The following ASB7 variants were observed in gnomAD, a reference collection of about 807,000 sequenced individuals.
ASB7 encodes the protein ankyrin repeat and SOCS box protein 7.
In ASB7, 4 loss-of-function variants were observed where a neutral mutation model predicts 32.5. The observed-to-expected ratio is 0.12, with a 90% CI of 0.06 to 0.28. The LOEUF (loss-of-function observed/expected upper bound fraction) is 0.28. Ranked by LOEUF, ASB7 falls within the 10% of genes least tolerant of loss-of-function variation. The pLI is 1.00. For missense variants in ASB7, 181 were observed against 407.1 expected (o/e 0.44, Z 4.78); for synonymous variants, 172 against 155.6 (o/e 1.11, Z -0.78).
chr15:100,626,032 A>G (rs2039833860), intron 4 of ASB7, among the ~76,000 whole-genome samples: 1 of 152,212 alleles, frequency 6.6e-6, no homozygotes, highest in Admixed American at 6.5e-5. Context: ...TCTAAATGTG[A>G]GAGTTAAAAG....
chr15:100,632,249 G>A (rs976813250), intron 5 of ASB7, among the ~76,000 whole-genome samples: 11 of 152,208 alleles, frequency 7.2e-5, no homozygotes, highest in Non-Finnish European at 1.6e-4. Flanking sequence ...TGGCAGTCTG[G>A]CTGACTGCGC....
At chr15:100,637,467 G>T (rs1352190680) in intron 5 of ASB7, among the ~76,000 whole-genome samples, 1 of 152,114 alleles carries the variant, frequency 6.6e-6, no homozygotes, top group Non-Finnish European at 1.5e-5. Flanking sequence ...GTGATTTTTT[G>T]ATCTCATGTA....
At chr15:100,618,379 T>C (rs1356452329) in intron 4 of ASB7, among the ~76,000 whole-genome samples, 1 of 152,076 alleles carries the variant, frequency 6.6e-6, no homozygotes, top group African/African-American at 2.4e-5. Flanking sequence ...CCTCCCAAAG[T>C]GCTGGAATTA....
At position 100,637,521 on chromosome 15, in the gene ASB7, C is replaced by T. The variant is rs567712616; in HGVS notation, c.817+7479C>T. Among the ~76,000 whole-genome samples, 118 of 152,250 alleles carry T rather than the reference C, an allele frequency of 7.8e-4. 1 individual carries two copies. The highest frequency in any genetic ancestry group is 2.6e-3 in the African/African-American group (109 of 41,540). ...TGGAAGATCCACATAACCCAATGAA[C>T]CTTGTTTTCCAAATGACTAATGCGT... On this transcript the variant is annotated intron_variant, in intron 5 of 5. Coordinates refer to ENST00000332783, the MANE Select transcript of ASB7 (RefSeq NM_198243.3).
At chr15:100,603,359 T>G in intron 2 of ASB7, 46 bp downstream of exon 2, 1 of 192,912 alleles carries the variant, frequency 5.2e-6, no homozygotes, top group Non-Finnish European at 1.0e-5. Flanking sequence ...TCCTGGCCCC[T>G]ACCTCATTAA....
chr15:100,643,477 C>CTTTTTTTTTTTT (rs1172063471), intron 5 of ASB7, among the ~76,000 whole-genome samples: 1 of 104,402 alleles, frequency 9.6e-6, no homozygotes, highest in African/African-American at 3.9e-5. Flanking sequence ...GTCCCTTCTT[C>CTTTTTTTTTTTT]TTTTTTTTTT....
chr15:100,632,630 T>C (rs541573976), intron 5 of ASB7, among the ~76,000 whole-genome samples: 3 of 152,268 alleles, frequency 2.0e-5, no homozygotes, highest in African/African-American at 7.2e-5. Context: ...GCCCCAGGCA[T>C]CATGCTGTTG....
chr15:100,609,432 C>T (rs1412849268), intron 2 of ASB7: 1 of 152,208 alleles, frequency 6.6e-6, no homozygotes, highest in African/African-American at 2.4e-5. Flanking sequence ...TGCTTGCATC[C>T]AAATTCCAAA....
At chr15:100,625,816 G>A (rs565581142) in intron 4 of ASB7, among the ~76,000 whole-genome samples, 3 of 152,280 alleles carry the variant, frequency 2.0e-5, no homozygotes, top group South Asian at 4.1e-4. Context: ...TTGGTGTATG[G>A]AGAGACTTTT....
At chr15:100,644,195 T>C (rs1465856521) in intron 5 of ASB7, among the ~76,000 whole-genome samples, 1 of 152,130 alleles carries the variant, frequency 6.6e-6, no homozygotes, top group African/African-American at 2.4e-5. Flanking sequence ...TTGCAGTGAA[T>C]TGAGATTGCA....
rs764012436 is a variant in ASB7 at position 100,629,917 on chromosome 15, G to A, written c.692G>A (p.Arg231Gln). 106 of 1,614,036 alleles carry A rather than the reference G, an allele frequency of 6.6e-5. No homozygotes were observed. The highest frequency in any genetic ancestry group is 1.1e-4 in the African/African-American group (8 of 74,920). ...SALRDDVLCA[R>Q]MLYNYGADTN... ...CTTAGGGATGATGTGCTGTGTGCACGGATGTTATATAATTACGGAGCAGAC... is the reference window on the plus strand; with the variant it reads ...CTTAGGGATGATGTGCTGTGTGCACAGATGTTATATAATTACGGAGCAGAC... The change falls in exon 5 of 6, where the codon CGG (arginine) becomes CAG (glutamine). Residue 231 changes from arginine (R) to glutamine (Q), a missense_variant. Arg to Gln is a conservative substitution (Grantham distance 43). Coordinates refer to ENST00000332783, the MANE Select transcript of ASB7 (RefSeq NM_198243.3). The surrounding 1 kb of genome is among the most constrained non-coding windows in gnomAD (Gnocchi z 6.8).
intron 4 of ASB7, among the ~76,000 whole-genome samples, chr15:100,616,649 C>A (rs2039745968): frequency 6.6e-6 from 1 of 152,184 alleles, no homozygotes; most frequent in African/African-American, 2.4e-5. Context: ...TTATTTAAAA[C>A]AACAAATATT....
At chr15:100,648,202 C>G in intron 5 of ASB7, 121 bp from the exon 6 acceptor site, 2 of 1,085,016 alleles carry the variant, frequency 1.8e-6, no homozygotes, top group Non-Finnish European at 2.6e-6. Context: ...GGTATCTTTC[C>G]GGTCCTTTGC....
intron 5 of ASB7, among the ~76,000 whole-genome samples, chr15:100,637,140 G>A (rs554442797): frequency 3.9e-5 from 6 of 152,296 alleles, no homozygotes; most frequent in South Asian, 4.1e-4. Flanking sequence ...TTCTTACTGC[G>A]TACCAAAGGG....
At chr15:100,630,315 A>G (rs560635201) in intron 5 of ASB7, 3 of 599,348 alleles carry the variant, frequency 5.0e-6, no homozygotes, top group Non-Finnish European at 7.0e-6. Flanking sequence ...AATTTTTTTT[A>G]AATGAACAAA....
chr15:100,646,805 T>TC (rs2040000052), intron 5 of ASB7: 1 of 152,946 alleles, frequency 6.5e-6, no homozygotes, highest in African/African-American at 2.4e-5. Context: ...CTGTTTTCTC[T>TC]CCATGGGTCT....
In ASB7 at chr15:100,646,400, C is replaced by T. The variant is rs138190663; in HGVS notation, c.818-1923C>T. On this transcript the variant is annotated intron_variant, in intron 5 of 5. Coordinates refer to ENST00000332783, the MANE Select transcript of ASB7 (RefSeq NM_198243.3). Reference sequence around the variant, plus strand: ...GGTTGGGGTGCGGTGTACTTCTCCGCGTATTCTCTTTCCACAACTTCTTTT... The same window carrying T: ...GGTTGGGGTGCGGTGTACTTCTCCGTGTATTCTCTTTCCACAACTTCTTTT... 21 of 398,488 alleles carry T rather than the reference C, an allele frequency of 5.3e-5. No homozygotes were observed. In the East Asian group the frequency reaches 9.9e-4, roughly 19 times the overall value. 24.7% of individuals were successfully genotyped at this position (398,488 alleles called of 1,614,324 possible). A position where few individuals can be genotyped will look rare whatever the true frequency, so the allele number is the denominator to read the frequency against.
intron 5 of ASB7, among the ~76,000 whole-genome samples, chr15:100,641,067 T>C (rs755387252): frequency 2.1e-5 from 3 of 141,708 alleles, no homozygotes; most frequent in Non-Finnish European, 4.6e-5. Context: ...TATGATCCCG[T>C]GCACAGGGAA....
At chr15:100,633,643 GAAGA>G (rs1187962957) in intron 5 of ASB7, among the ~76,000 whole-genome samples, 1 of 148,592 alleles carries the variant, frequency 6.7e-6, no homozygotes, top group Non-Finnish European at 1.5e-5. Context: ...GGAAGGAAAG[GAAGA>G]AGGAAGGAGG....
Sources: allele counts gnomAD v4.1 joint callset (sites outside exome capture counted in the v4.1 genomes callset), GRCh38; gene constraint gnomAD v4.1.1; non-coding constraint Gnocchi (gnomAD v3.1); transcripts MANE v1.5; gene names NCBI Gene and HGNC (gene_info 2026-07-23, HGNC 2026-07-21).